CASP9: variants seen among roughly 807,000 people sequenced by gnomAD.
The protein encoded by CASP9 is caspase 9.
In CASP9, 29 loss-of-function variants were observed where a neutral mutation model predicts 43.5. The ratio of observed to expected loss-of-function variants is 0.67; its 90% CI spans 0.50 to 0.91. The LOEUF (loss-of-function observed/expected upper bound fraction) is 0.91. CASP9 is among the 40% of genes least tolerant of loss of function. The pLI is 0.00. For synonymous variants in CASP9, 206 were observed against 211.9 expected, an observed-to-expected ratio of 0.97 and a Z score of 0.24; for missense variants, 575 against 537.4, an observed-to-expected ratio of 1.07 and a Z score of -0.69.
At position 15,493,017 on chromosome 1, in the gene CASP9, C is replaced by A; in HGVS notation, c.1177G>T (p.Val393Leu). Residue 393 changes from valine (V) to leucine (L), a missense_variant, in exon 9 of 9, where the codon GTG becomes TTG. Coordinates refer to ENST00000333868, the MANE Select transcript of CASP9 (RefSeq NM_001229.5). ...LLLRVANAVS[V>L]KGIYKQMPGC... ...GGCATCTGTTTATAAATCCCTTTCA[C>A]CGAAACAGCATTAGCGACCTGTAAG... 1.2e-6 allele frequency: 2 copies of A among 1,614,058 alleles called. No individual in the cohort carries two copies. Among genetic ancestry groups the A allele is most frequent in the East Asian group, 2.2e-5 (1 of 44,872 alleles).
chr1:15,517,562 G>A (rs1862710), intron 2 of CASP9, among the ~76,000 whole-genome samples: 97,975 of 152,038 alleles, frequency 0.64, 33,079 homozygotes, highest in African/African-American at 0.85. Flanking sequence ...TATGCATTTT[G>A]TTGGATGTAG....
chr1:15,506,711 G>A (rs1173568964), intron 4 of CASP9, among the ~76,000 whole-genome samples, 188 bp downstream of exon 4: 3 of 152,214 alleles, frequency 2.0e-5, no homozygotes, highest in Non-Finnish European at 4.4e-5. Flanking sequence ...GTGGCCGAGA[G>A]AGCCAGTCCT....
chr1:15,497,386 T>C (rs1448038415), intron 6 of CASP9, among the ~76,000 whole-genome samples: 1 of 151,542 alleles, frequency 6.6e-6, no homozygotes, highest in Non-Finnish European at 1.5e-5. Flanking sequence ...GGCTCACGCC[T>C]GTAATCCCAG....
chr1:15,509,666 C>T (rs916689207), intron 2 of CASP9, among the ~76,000 whole-genome samples: 13 of 151,064 alleles, frequency 8.6e-5, no homozygotes, highest in African/African-American at 2.4e-4. Flanking sequence ...AAACGTGCTG[C>T]GTGAAAAAAG....
At position 15,500,390 on chromosome 1, in the gene CASP9, G is replaced by A. The variant is rs1709278546; in HGVS notation, c.868+4221C>T. Among the ~76,000 whole-genome samples, 6 of 152,186 alleles carry A rather than the reference G, an allele frequency of 3.9e-5. No individual in the cohort carries two copies. The South Asian group carries it at 1.2e-3, about 31-fold the overall frequency. ...GGGAAGTCACAGTTCACCCAGAGGA[G>A]CTGGGGGCCCATCTGGCAGGAACAG... is the stretch of plus-strand genomic sequence containing the variant. On this transcript the variant is annotated intron_variant, in intron 6 of 8. Coordinates refer to ENST00000333868, the MANE Select transcript of CASP9 (RefSeq NM_001229.5).
chr1:15,523,200 A>G (rs1358858430), intron 1 of CASP9, among the ~76,000 whole-genome samples: 2 of 152,224 alleles, frequency 1.3e-5, no homozygotes, highest in Admixed American at 6.5e-5. Flanking sequence ...CCTCTTAACA[A>G]AACATAAACT....
intron 6 of CASP9, among the ~76,000 whole-genome samples, chr1:15,501,969 C>T (rs919154222): frequency 6.6e-6 from 1 of 152,138 alleles, no homozygotes; most frequent in East Asian, 1.9e-4. Flanking sequence ...AGACTGGTCT[C>T]AAACTCCTCG....
chr1:15,522,078 T>C (rs1172467814), intron 1 of CASP9, among the ~76,000 whole-genome samples: 1 of 152,178 alleles, frequency 6.6e-6, no homozygotes, highest in Admixed American at 6.5e-5. Flanking sequence ...CAACACTGTG[T>C]TAAATGCATT....
intron 6 of CASP9, among the ~76,000 whole-genome samples, chr1:15,503,556 A>G (rs1479657412): frequency 6.6e-6 from 1 of 152,214 alleles, no homozygotes; most frequent in Non-Finnish European, 1.5e-5. Flanking sequence ...ACAGCCTGGT[A>G]TATACAGATG....
intron 8 of CASP9, chr1:15,493,641 G>A (rs932308382): frequency 9.0e-6 from 13 of 1,443,152 alleles, no homozygotes; most frequent in Non-Finnish European, 1.2e-5. Flanking sequence ...GGAGGAGCGG[G>A]AGGTGTCAAC....
Position 15,493,961 on chromosome 1 carries a change from G to A in CASP9, c.1089C>T (p.Tyr363=), listed in dbSNP as rs755609415. The A allele has an allele frequency of 1.7e-5, 28 of 1,603,278 alleles. No individual in the cohort carries two copies. The highest frequency in any genetic ancestry group is 1.6e-4 in the Middle Eastern group (1 of 6,072). The change falls in exon 8 of 9, where the codon TAC becomes TAT. Residue 363 remains tyrosine (Y), a synonymous_variant. Transcript: ENST00000333868. ...CAAAGATGTCGTCCAGGGTCTCAAC[G>A]TACCAGGAGCCACTCTTGGGGTCCC... ...SWRDPKSGSW[Y]VETLDDIFEQ...
rs370427138 is a variant in CASP9 at position 15,501,907 on chromosome 1, G to A, written c.868+2704C>T. On this transcript the variant is annotated intron_variant, in intron 6 of 8. Transcript: ENST00000333868. ...CTGCCTAAACATCCCAAGTAGCTGGGACCATAGGCACACACCACCAGGCCT... is the reference window on the plus strand; with the variant it reads ...CTGCCTAAACATCCCAAGTAGCTGGAACCATAGGCACACACCACCAGGCCT... Among the ~76,000 whole-genome samples the A allele has an allele frequency of 3.9e-5, 6 of 152,202 alleles. 1 individual carries two copies. The highest frequency in any genetic ancestry group is 6.5e-5 in the Admixed American group (1 of 15,280).
chr1:15,523,990 C>T (rs929081896), intron 1 of CASP9, 79 bp downstream of exon 1: 1 of 1,122,186 alleles, frequency 8.9e-7, no homozygotes, highest in East Asian at 2.9e-5. Context: ...ACAGGGAAGG[C>T]TAGGCTCCCG....
chr1:15,521,269 CA>C (rs34494163), intron 1 of CASP9, among the ~76,000 whole-genome samples: 42,978 of 124,788 alleles, frequency 0.34, 6,695 homozygotes, highest in East Asian at 0.62. Flanking sequence ...GACACCACCT[CA>C]AAAAAAAAAA....
intron 6 of CASP9, among the ~76,000 whole-genome samples, chr1:15,499,261 T>C (rs1709232632): frequency 6.6e-6 from 1 of 152,244 alleles, no homozygotes; most frequent in African/African-American, 2.4e-5. Flanking sequence ...ATCTGCAAAG[T>C]GATTTTATCT....
intron 1 of CASP9, among the ~76,000 whole-genome samples, chr1:15,520,663 G>T (rs1710151462): frequency 6.6e-6 from 1 of 152,200 alleles, no homozygotes; most frequent in African/African-American, 2.4e-5. Context: ...ACCGCGAAGG[G>T]GAGTCTCCTG....
chr1:15,502,804 T>A (rs779017781), intron 6 of CASP9, among the ~76,000 whole-genome samples: 1 of 152,202 alleles, frequency 6.6e-6, no homozygotes. Flanking sequence ...CTGTCTTTCA[T>A]TTGATTCATA....
At position 15,492,731 on chromosome 1, in the gene CASP9, C is replaced by T. The variant is rs375530173; in HGVS notation, c.*212G>A. On this transcript the variant is annotated 3_prime_UTR_variant, in exon 9 of 9. Transcript: ENST00000333868. ...TGCTCAAGAGGCCACGTGCAATCCA[C>T]GGCATTCATCTGTCCCTCTTCCTCC... The T allele has an allele frequency of 9.4e-6, 6 of 636,460 alleles. No individual in the cohort carries two copies. The highest frequency in any genetic ancestry group is 2.8e-5 in the East Asian group (1 of 35,946). The allele number at this position is 636,460 out of a possible 1,614,324, so 39.4% of individuals were successfully genotyped here. A position where few individuals can be genotyped will look rare whatever the true frequency, so the allele number is the denominator to read the frequency against.
chr1:15,502,826 G>C (rs1455972989), intron 6 of CASP9, among the ~76,000 whole-genome samples: 1 of 152,222 alleles, frequency 6.6e-6, no homozygotes, highest in Non-Finnish European at 1.5e-5. Flanking sequence ...GAGAAAGAGG[G>C]ACCGGAGGCT....
Sources: gnomAD v4.1 joint callset for allele counts (sites outside exome capture counted in the v4.1 genomes callset) on GRCh38, gnomAD v4.1.1 for gene constraint, MANE v1.5 for transcripts, NCBI Gene and HGNC (gene_info 2026-07-23, HGNC 2026-07-21) for gene names.